The following SLC35B4 variants were observed in gnomAD, a reference collection of about 807,000 sequenced individuals.
SLC35B4 encodes the protein solute carrier family 35 member B4, also known as nucleotide sugar transporter SLC35B4.
Under a neutral mutation model 39.5 loss-of-function variants are expected in SLC35B4, and 28 were observed. The observed-to-expected ratio is 0.71, with a 90% confidence interval of 0.53 to 0.97. The LOEUF is 0.97. Ranked by LOEUF, SLC35B4 falls within the 50% of genes least tolerant of loss-of-function variation. The probability of loss-of-function intolerance (pLI) is 0.00; values close to 1 mark genes in which losing one functional copy is unlikely to be tolerated. For missense variants in SLC35B4, 334 were observed against 414.3 expected (o/e 0.81, Z 1.68); for synonymous variants, 145 against 150.4 (o/e 0.96, Z 0.26).
intron 1 of SLC35B4, 98 bp from the exon 2 acceptor site, chr7:134,309,577 A>G (rs1008662504): frequency 2.4e-5 from 18 of 749,086 alleles, no homozygotes; most frequent in Admixed American, 9.8e-5. Flanking sequence ...AACAGCGTGG[A>G]TGGATTTCAA....
rs1282601201 is a variant in SLC35B4 at position 134,316,724 on chromosome 7, C to G, written c.28G>C (p.Val10Leu). 1 of 1,550,222 alleles carries G rather than the reference C, an allele frequency of 6.5e-7. No homozygotes were observed. Among genetic ancestry groups the G allele is most frequent in the African/African-American group, 1.4e-5 (1 of 73,044 alleles). Residue 10 changes from valine to leucine, a missense_variant, in exon 1 of 10, where the codon GTG (valine) becomes CTG (leucine). Val to Leu is a conservative substitution (Grantham distance 32). Transcript: ENST00000378509. Reference protein sequence around the residue: MRPALAVGLVFAGCCSNVIF... With the variant: MRPALAVGLLFAGCCSNVIF... ...ACGTTACTGCAGCAGCCTGCGAACACCAGGCCCACCGCCAAGGCCGGGCGC... is the reference window on the plus strand; with the variant it reads ...ACGTTACTGCAGCAGCCTGCGAACAGCAGGCCCACCGCCAAGGCCGGGCGC...
At position 134,305,668 on chromosome 7, in the gene SLC35B4, C is replaced by T. The variant is rs140355820; in HGVS notation, c.295-814G>A. Among the ~76,000 whole-genome samples, 65 of 152,114 alleles carry T rather than the reference C, an allele frequency of 4.3e-4. 3 individuals carry two copies. The East Asian group carries it at 8.8e-3, about 21-fold the overall frequency. ...CCCCATTACCTGCACCTTCTACCCC[C>T]GACCAGTTTTTTCTTCCCTCAGACG... On this transcript the variant is annotated intron_variant, in intron 3 of 9. Coordinates refer to ENST00000378509, the MANE Select transcript of SLC35B4 (RefSeq NM_032826.5).
chr7:134,290,982 T>C lies in SLC35B4; in HGVS notation c.*3851A>G, dbSNP rs2117264090. ...CACCGGCCCTGAGCTAACTCATTGG[T>C]TTATTATTCCTGACCTAAGGTGTTT... is the stretch of plus-strand genomic sequence containing the variant. On this transcript the variant is annotated 3_prime_UTR_variant, in exon 10 of 10. Transcript: ENST00000378509. 1 of 152,350 alleles carries C rather than the reference T, an allele frequency of 6.6e-6. No homozygotes were observed. Among genetic ancestry groups the C allele is most frequent in the East Asian group, 1.9e-4 (1 of 5,188 alleles). The allele number at this position is 152,350 out of a possible 1,614,324, so 9.4% of individuals were successfully genotyped here.
chr7:134,317,155 T>C (rs1015420105), upstream of SLC35B4: 2 of 193,042 alleles, frequency 1.0e-5, no homozygotes, highest in African/African-American at 2.4e-5. Flanking sequence ...AAAGCGTCAG[T>C]GTTTCTTGCG....
chr7:134,292,039 T>C lies in SLC35B4; in HGVS notation c.*2794A>G, dbSNP rs1427063321. On this transcript the variant is annotated 3_prime_UTR_variant, in exon 10 of 10. Transcript: ENST00000378509. ...GCTCTAGCATAGAGTTTTGGATGTC[T>C]TAAAAACTAAACTCTTTGTAAACAA... 6.5e-6 allele frequency: 1 copy of C among 154,110 alleles called. No individual in the cohort carries two copies. Among genetic ancestry groups the C allele is most frequent in the East Asian group, 1.9e-4 (1 of 5,198 alleles). 9.5% of individuals were successfully genotyped at this position (154,110 alleles called of 1,614,324 possible). A position where few individuals can be genotyped will look rare whatever the true frequency, so the allele number is the denominator to read the frequency against.
chr7:134,294,598 A>G lies in SLC35B4; in HGVS notation c.*235T>C. ...CGGTAAACAAAACAGAAATAAATGAATGGGCTGTTCAATAGTCCAGAACTG... is the reference window on the plus strand; with the variant it reads ...CGGTAAACAAAACAGAAATAAATGAGTGGGCTGTTCAATAGTCCAGAACTG... On this transcript the variant is annotated 3_prime_UTR_variant, in exon 10 of 10. Transcript: ENST00000378509. 2.2e-6 allele frequency: 1 copy of G among 453,576 alleles called. No individual in the cohort carries two copies. Among genetic ancestry groups the G allele is most frequent in the African/African-American group, 1.9e-5 (1 of 51,810 alleles). 28.1% of individuals were successfully genotyped at this position (453,576 alleles called of 1,614,324 possible).
intron 1 of SLC35B4, among the ~76,000 whole-genome samples, chr7:134,314,768 TC>T (rs1803930962): frequency 2.0e-5 from 3 of 152,162 alleles, no homozygotes; most frequent in Admixed American, 1.3e-4. Flanking sequence ...ACCCCTGACC[TC>T]GTGATCCACC....
intron 6 of SLC35B4, among the ~76,000 whole-genome samples, chr7:134,301,200 G>T (rs902296668): frequency 3.9e-5 from 6 of 152,118 alleles, no homozygotes. Context: ...AAAGCCCTTG[G>T]AACGAGTCTC....
chr7:134,301,736 G>A, intron 6 of SLC35B4, 25 bp downstream of exon 6: 1 of 1,603,576 alleles, frequency 6.2e-7, no homozygotes, highest in African/African-American at 1.3e-5. Flanking sequence ...GAGGCAATTA[G>A]CTTTATTATA....
chr7:134,308,420 T>A (rs935244546), intron 2 of SLC35B4, among the ~76,000 whole-genome samples: 3 of 152,216 alleles, frequency 2.0e-5, no homozygotes, highest in Non-Finnish European at 2.9e-5. Context: ...GGGCTTTTAC[T>A]GCAATATAAA....
At chr7:134,306,589 C>G in intron 3 of SLC35B4, 83 bp downstream of exon 3, 1 of 1,144,806 alleles carries the variant, frequency 8.7e-7, no homozygotes, top group Non-Finnish European at 1.3e-6. Context: ...CTACAAGAAC[C>G]TTCTAGTTCT....
At chr7:134,309,332 T>C (rs1306524879) in intron 2 of SLC35B4, 34 bp downstream of exon 2, 1 of 1,409,230 alleles carries the variant, frequency 7.1e-7, no homozygotes, top group African/African-American at 1.5e-5. Flanking sequence ...TCTTAAAAAA[T>C]CCAAAAGCTA....
intron 2 of SLC35B4, among the ~76,000 whole-genome samples, chr7:134,308,447 C>T (rs1563218356): frequency 6.6e-6 from 1 of 152,000 alleles, no homozygotes; most frequent in Non-Finnish European, 1.5e-5. Flanking sequence ...TCTTTAGGGG[C>T]AGAAAGTTTT....
chr7:134,312,900 A>G (rs1244608295), intron 1 of SLC35B4, among the ~76,000 whole-genome samples: 1 of 152,142 alleles, frequency 6.6e-6, no homozygotes, highest in Non-Finnish European at 1.5e-5. Context: ...TAGTTGTGCA[A>G]TAATTGCCAC....
chr7:134,311,674 C>CA (rs1446811217), intron 1 of SLC35B4, among the ~76,000 whole-genome samples: 2 of 152,028 alleles, frequency 1.3e-5, no homozygotes, highest in Non-Finnish European at 2.9e-5. Flanking sequence ...ACAACAACAA[C>CA]AAAAAAACCT....
At chr7:134,312,835 C>T (rs1270054534) in intron 1 of SLC35B4, among the ~76,000 whole-genome samples, 2 of 152,072 alleles carry the variant, frequency 1.3e-5, no homozygotes, top group African/African-American at 4.8e-5. Flanking sequence ...ATGGCATTTG[C>T]GGTTACCCTT....
chr7:134,294,469 A>T lies in SLC35B4; in HGVS notation c.*364T>A. On this transcript the variant is annotated 3_prime_UTR_variant, in exon 10 of 10. Coordinates refer to ENST00000378509, the MANE Select transcript of SLC35B4 (RefSeq NM_032826.5). ...ACAATGACTGCTGTAGCAGAGATGC[A>T]TTACAACAGCAAGAGAAGGGACAAT... 4.7e-6 allele frequency: 1 copy of T among 213,908 alleles called. No individual in the cohort carries two copies. Among genetic ancestry groups the T allele is most frequent in the Non-Finnish European group, 9.6e-6 (1 of 103,742 alleles). The allele number at this position is 213,908 out of a possible 1,614,324, so 13.3% of individuals were successfully genotyped here.
At chr7:134,299,387 G>A (rs1250426482) in intron 8 of SLC35B4, 136 bp downstream of exon 8, 1 of 532,160 alleles carries the variant, frequency 1.9e-6, no homozygotes, top group African/African-American at 1.9e-5. Context: ...TGACTGGAAA[G>A]TGGAATGGAG....
intron 8 of SLC35B4, among the ~76,000 whole-genome samples, chr7:134,298,963 T>C (rs531179628): frequency 5.3e-5 from 8 of 152,370 alleles, no homozygotes; most frequent in East Asian, 3.9e-4. Context: ...CTATAGCTAA[T>C]TTATTAACTG....
Sources: gnomAD v4.1 joint callset for allele counts (sites outside exome capture counted in the v4.1 genomes callset) on GRCh38, gnomAD v4.1.1 for gene constraint, MANE v1.5 for transcripts, NCBI Gene and HGNC (gene_info 2026-07-23, HGNC 2026-07-21) for gene names.